The following LRMDA variants were observed in gnomAD, a reference collection of about 807,000 sequenced individuals.
LRMDA encodes the protein leucine rich melanocyte differentiation associated.
LRMDA carries 18 observed loss-of-function variants against 29.8 expected under a neutral mutation model. The ratio of observed to expected loss-of-function variants is 0.60; its 90% confidence interval spans 0.42 to 0.90. LRMDA has a LOEUF of 0.90. LRMDA is among the 40% of genes least tolerant of loss of function. The pLI is 0.00. For synonymous variants in LRMDA, 125 were observed against 109.4 expected (o/e 1.14, Z -0.89); for missense variants, 273 against 273.9 (o/e 1.00, Z 0.02).
intron 2 of LRMDA, among the ~76,000 whole-genome samples, chr10:75,918,482 A>G (rs1845972003): frequency 6.6e-6 from 1 of 152,070 alleles, no homozygotes; most frequent in Non-Finnish European, 1.5e-5. Context: ...CACCCTTTCA[A>G]ATAACCAGAT....
intron 2 of LRMDA, among the ~76,000 whole-genome samples, chr10:75,501,572 T>C (rs1053870250): frequency 6.6e-6 from 1 of 152,162 alleles, no homozygotes; most frequent in Admixed American, 6.5e-5. Flanking sequence ...ATTGAGGGCT[T>C]TCTATGGTGA....
intron 2 of LRMDA, among the ~76,000 whole-genome samples, chr10:75,710,000 C>A (rs1303633927): frequency 6.6e-6 from 1 of 152,146 alleles, no homozygotes. Flanking sequence ...TGTTTTGTAT[C>A]CCTGGTAAAA....
intron 6 of LRMDA, among the ~76,000 whole-genome samples, chr10:76,425,372 C>A (rs1842113229): frequency 6.6e-6 from 1 of 150,520 alleles, no homozygotes; most frequent in Non-Finnish European, 1.5e-5. Context: ...TCTTTTTTAA[C>A]CATTGTCATG....
intron 5 of LRMDA, among the ~76,000 whole-genome samples, chr10:76,166,351 G>C (rs1488441411): frequency 6.6e-6 from 1 of 152,130 alleles, no homozygotes; most frequent in Non-Finnish European, 1.5e-5. Flanking sequence ...GGGTACATGT[G>C]CAGGTTTGTT....
intron 5 of LRMDA, among the ~76,000 whole-genome samples, chr10:76,308,052 G>A (rs945238244): frequency 6.6e-6 from 1 of 152,102 alleles, no homozygotes; most frequent in African/African-American, 2.4e-5. Flanking sequence ...TCTTAATTGT[G>A]TGTGACTTAA....
At chr10:75,460,401 T>C (rs563392418) in intron 2 of LRMDA, among the ~76,000 whole-genome samples, 35 of 152,276 alleles carry the variant, frequency 2.3e-4, no homozygotes, top group Non-Finnish European at 4.4e-5. Context: ...GAAAGCCCCT[T>C]GTGGTACCCT....
intron 5 of LRMDA, among the ~76,000 whole-genome samples, chr10:76,298,822 T>C (rs534461399): frequency 1.3e-5 from 2 of 152,326 alleles, no homozygotes; most frequent in Admixed American, 6.5e-5. Flanking sequence ...GAAGGTCCAA[T>C]GGATCCTCTC....
chr10:75,833,029 G>A (rs760367462), intron 2 of LRMDA, among the ~76,000 whole-genome samples: 4 of 152,092 alleles, frequency 2.6e-5, no homozygotes, highest in Non-Finnish European at 5.9e-5. Context: ...CATATCATAG[G>A]TTTTCTGTGG....
intron 2 of LRMDA, among the ~76,000 whole-genome samples, chr10:75,585,917 C>A (rs1840649860): frequency 6.6e-6 from 1 of 152,180 alleles, no homozygotes; most frequent in African/African-American, 2.4e-5. Flanking sequence ...TAAGTGGAAT[C>A]ATGCAGTCTT....
At chr10:75,823,773 T>TAC (rs968183169) in intron 2 of LRMDA, among the ~76,000 whole-genome samples, 4 of 143,726 alleles carry the variant, frequency 2.8e-5, no homozygotes, top group South Asian at 2.3e-4. Flanking sequence ...CACACACACA[T>TAC]ACACACACAC....
At chr10:76,247,724 G>A (rs990878980) in intron 5 of LRMDA, among the ~76,000 whole-genome samples, 4 of 152,128 alleles carry the variant, frequency 2.6e-5, no homozygotes, top group Non-Finnish European at 5.9e-5. Context: ...GCTTGACCTT[G>A]TGACTTGTTC....
In LRMDA at chr10:76,464,330, G is replaced by C. The variant is rs1174691801; in HGVS notation, c.602-92879G>C. ...ATGATGCATAGAGGCAAGAGAACCT[G>C]GTGTGTTGGGAACTGCAATTGTAAG... On this transcript the variant is annotated intron_variant, in intron 6 of 6. Coordinates refer to ENST00000611255, the MANE Select transcript of LRMDA (RefSeq NM_001305581.2). 2.4e-4 allele frequency among the ~76,000 whole-genome samples: 37 copies of C among 152,092 alleles called. 2 individuals are homozygous for C. The highest frequency in any genetic ancestry group is 2.4e-3 in the Admixed American group (37 of 15,266).
intron 6 of LRMDA, among the ~76,000 whole-genome samples, chr10:76,447,796 CA>C (rs926593243): frequency 1.5e-4 from 23 of 152,272 alleles, no homozygotes; most frequent in Admixed American, 1.5e-3. Flanking sequence ...TGTTCAGTGA[CA>C]GCCTTCTCTT....
intron 4 of LRMDA, among the ~76,000 whole-genome samples, chr10:76,058,422 T>C (rs537514698): frequency 6.6e-6 from 1 of 152,354 alleles, no homozygotes; most frequent in South Asian, 2.1e-4. Flanking sequence ...TGTGTTTACC[T>C]TTGAGCCAAG....
rs1589151564 is a variant in LRMDA, at chr10:76,363,161, GAAAGAAAGAAAGAAA to G, written c.601+38677_601+38691del. Among the ~76,000 whole-genome samples the G allele has an allele frequency of 4.5e-3, 176 of 39,418 alleles. 1 individual carries two copies. The highest frequency in any genetic ancestry group is 0.012 in the Middle Eastern group (1 of 82). The allele number at this position is 39,418 out of a possible 152,430, so 25.9% of individuals were successfully genotyped here. On this transcript the variant is annotated intron_variant, in intron 6 of 6. Transcript: ENST00000611255. Reference sequence around the variant, plus strand: ...AGAAAGAAAGAAAGAAAGAAAGAAAGAAAGAAAGAAAGAAAGGAGGGAGGGAGGGAGGGAGGGAGG... The same window carrying G: ...AGAAAGAAAGAAAGAAAGAAAGAAAGGGAGGGAGGGAGGGAGGGAGGGAGG...
intron 2 of LRMDA, among the ~76,000 whole-genome samples, chr10:75,776,823 C>A (rs534650455): frequency 6.6e-6 from 1 of 152,326 alleles, no homozygotes; most frequent in East Asian, 1.9e-4. Context: ...TTTAACATGG[C>A]AGCTCACTGA....
At chr10:75,803,907 G>A (rs558678229) in intron 2 of LRMDA, among the ~76,000 whole-genome samples, 9 of 152,294 alleles carry the variant, frequency 5.9e-5, no homozygotes, top group Admixed American at 2.0e-4. Flanking sequence ...CTCCCGCTCC[G>A]TCCTGGTCTG....
Position 75,540,833 on chromosome 10 carries a change from T to C in LRMDA, c.131+102339T>C, listed in dbSNP as rs75704384. Among the ~76,000 whole-genome samples, 573 of 152,274 alleles carry C rather than the reference T, an allele frequency of 3.8e-3. 7 individuals carry two copies. The highest frequency in any genetic ancestry group is 0.013 in the African/African-American group (537 of 41,562). On this transcript the variant is annotated intron_variant, in intron 2 of 6. Coordinates refer to ENST00000611255, the MANE Select transcript of LRMDA (RefSeq NM_001305581.2). The stretch of plus-strand genomic sequence containing the variant: ...ATCCAGTAAATATGTAATGTGTTTA[T>C]TGGCTAAAAAAGTAAAATAATTCCC...
intron 5 of LRMDA, among the ~76,000 whole-genome samples, chr10:76,255,747 C>T (rs1852582698): frequency 6.6e-6 from 1 of 152,142 alleles, no homozygotes; most frequent in South Asian, 2.1e-4. Context: ...ACAATGGATA[C>T]ATTGTGCTGA....
Sources: gnomAD v4.1 joint callset for allele counts (sites outside exome capture counted in the v4.1 genomes callset) on GRCh38, gnomAD v4.1.1 for gene constraint, MANE v1.5 for transcripts, NCBI Gene and HGNC (gene_info 2026-07-23, HGNC 2026-07-21) for gene names.